The following SHC3 variants were observed in gnomAD, a reference collection of about 807,000 sequenced individuals.
The protein encoded by SHC3 is SHC adaptor protein 3.
Under a neutral mutation model 60.4 loss-of-function variants are expected in SHC3, and 15 were observed. That is an observed-to-expected ratio of 0.25 (90% CI 0.17 to 0.38). The LOEUF (loss-of-function observed/expected upper bound fraction) is 0.38, where lower values mean the gene tolerates loss of function less well. Ranked by LOEUF, SHC3 falls within the 10% of genes least tolerant of loss-of-function variation. The pLI is 1.00. For missense variants in SHC3, 677 were observed against 786.1 expected, an observed-to-expected ratio of 0.86 and a Z score of 1.66; for synonymous variants, 294 against 325.9, an observed-to-expected ratio of 0.90 and a Z score of 1.05.
intron 11 of SHC3, among the ~76,000 whole-genome samples, chr9:89,016,977 C>G (rs770496148): frequency 6.6e-6 from 1 of 152,186 alleles, no homozygotes; most frequent in Non-Finnish European, 1.5e-5. Context: ...GAGATTTTTT[C>G]TTTTAAAAAA....
At chr9:89,082,365 G>A in intron 2 of SHC3, among the ~76,000 whole-genome samples, 1 of 152,092 alleles carries the variant, frequency 6.6e-6, no homozygotes, top group East Asian at 1.9e-4. Context: ...GGCCACATAG[G>A]TACCCCTCCC....
At chr9:89,067,404 T>C (rs558104401) in intron 5 of SHC3, among the ~76,000 whole-genome samples, 8 of 152,390 alleles carry the variant, frequency 5.2e-5, no homozygotes, top group African/African-American at 1.9e-4. Context: ...TCCATGATTA[T>C]CTTAAAATTA....
At chr9:89,049,261 A>AAAAACAAAACAAAAC (rs147607442) in intron 7 of SHC3, among the ~76,000 whole-genome samples, 8 of 149,648 alleles carry the variant, frequency 5.3e-5, no homozygotes, top group African/African-American at 2.0e-4. Context: ...ACTCCCTCTT[A>AAAAACAAAACAAAAC]AAAACAAAAC....
At chr9:89,016,223 A>G (rs1165655744) in intron 11 of SHC3, among the ~76,000 whole-genome samples, 1 of 152,176 alleles carries the variant, frequency 6.6e-6, no homozygotes, top group Non-Finnish European at 1.5e-5. Context: ...AGGGGACCCC[A>G]CAACAGATCC....
At chr9:89,123,617 T>G (rs1355662894) in intron 1 of SHC3, among the ~76,000 whole-genome samples, 2 of 152,196 alleles carry the variant, frequency 1.3e-5, no homozygotes, top group Admixed American at 6.5e-5. Flanking sequence ...TCACTAGAAC[T>G]GCGGGGAGTA....
chr9:89,141,285 C>G (rs1480480635), intron 1 of SHC3, among the ~76,000 whole-genome samples: 1 of 152,200 alleles, frequency 6.6e-6, no homozygotes, highest in South Asian at 2.1e-4. Flanking sequence ...CTGTCTTGAA[C>G]AGCGAGCTTG....
rs765117867 is a variant in SHC3, at chr9:89,085,288, A to T, written c.546-7385T>A. Among the ~76,000 whole-genome samples, 12 of 152,162 alleles carry T rather than the reference A, an allele frequency of 7.9e-5. No individual in the cohort carries two copies. In the South Asian group the frequency reaches 1.0e-3, roughly 13 times the overall value. ...CTTTTGCACCAGTCTTGACTGAACC[A>T]CGTAAACCTGGGCTGAATCCCTGGT... On this transcript the variant is annotated intron_variant, in intron 2 of 11. Coordinates refer to ENST00000375835, the MANE Select transcript of SHC3 (RefSeq NM_016848.6).
At chr9:89,073,893 G>A (rs920100671) in intron 4 of SHC3, among the ~76,000 whole-genome samples, 5 of 152,234 alleles carry the variant, frequency 3.3e-5, no homozygotes, top group East Asian at 1.9e-4. Context: ...CATGAACAGC[G>A]CAGTCTTGGA....
intron 1 of SHC3, among the ~76,000 whole-genome samples, chr9:89,144,786 C>T (rs1826443672): frequency 6.6e-6 from 1 of 151,368 alleles, no homozygotes; most frequent in African/African-American, 2.4e-5. Flanking sequence ...TTAATTATGT[C>T]ATGAGCCTTT....
At chr9:89,092,478 G>A (rs1341920919) in intron 2 of SHC3, among the ~76,000 whole-genome samples, 4 of 151,870 alleles carry the variant, frequency 2.6e-5, no homozygotes, top group South Asian at 2.1e-4. Context: ...ATAGCCAGGC[G>A]TGGTGGCGGG....
intron 11 of SHC3, among the ~76,000 whole-genome samples, chr9:89,036,439 A>G (rs1308859726): frequency 6.6e-6 from 1 of 152,180 alleles, no homozygotes; most frequent in African/African-American, 2.4e-5. Context: ...TGCAAGCCCT[A>G]GGGAAATTCA....
At chr9:89,038,384 C>T in intron 10 of SHC3, 96 bp from the exon 11 acceptor site, 1 of 1,322,182 alleles carries the variant, frequency 7.6e-7, no homozygotes, top group Middle Eastern at 2.2e-4. Flanking sequence ...GATGGAAATG[C>T]AAAGGCAACT....
chr9:89,060,247 G>T (rs2117963603), intron 6 of SHC3, among the ~76,000 whole-genome samples: 2 of 150,076 alleles, frequency 1.3e-5, no homozygotes, highest in Middle Eastern at 7.0e-3. Context: ...GGAGGACAAG[G>T]TAGAGGATGT....
chr9:89,020,137 C>T (rs1039975140), intron 11 of SHC3, among the ~76,000 whole-genome samples: 1 of 152,120 alleles, frequency 6.6e-6, no homozygotes, highest in African/African-American at 2.4e-5. Flanking sequence ...TGCTTCTTCC[C>T]TAGGCTAGGG....
intron 1 of SHC3, among the ~76,000 whole-genome samples, chr9:89,120,831 T>C (rs1826081513): frequency 1.3e-5 from 2 of 151,626 alleles, no homozygotes; most frequent in South Asian, 2.1e-4. Context: ...CTCCCAAAGA[T>C]ACAATTCCGG....
chr9:89,055,331 GCATC>G (rs1431252159), intron 6 of SHC3, among the ~76,000 whole-genome samples: 3 of 152,250 alleles, frequency 2.0e-5, no homozygotes, highest in Non-Finnish European at 2.9e-5. Flanking sequence ...CTGCAACAGG[GCATC>G]CAGTAAACTG....
chr9:89,077,956 AC>A (rs1825386603), intron 2 of SHC3, 53 bp from the exon 3 acceptor site: 1 of 1,592,972 alleles, frequency 6.3e-7, no homozygotes, highest in African/African-American at 1.3e-5. Flanking sequence ...GGATTATGGA[AC>A]CCAGAGATGC....
chr9:89,071,979 A>T (rs1221789803), intron 4 of SHC3, among the ~76,000 whole-genome samples: 1 of 152,240 alleles, frequency 6.6e-6, no homozygotes. Context: ...AGACTGGTTT[A>T]TTAATCCCTA....
chr9:89,136,919 T>A (rs898442887), intron 1 of SHC3, among the ~76,000 whole-genome samples: 3 of 152,124 alleles, frequency 2.0e-5, no homozygotes, highest in African/African-American at 7.2e-5. Context: ...ACTCACAGTT[T>A]CACGGGTTGT....
Sources: gnomAD v4.1 joint callset for allele counts (sites outside exome capture counted in the v4.1 genomes callset) on GRCh38, gnomAD v4.1.1 for gene constraint, MANE v1.5 for transcripts, NCBI Gene and HGNC (gene_info 2026-07-23, HGNC 2026-07-21) for gene names.